Variants in SLC22A9 observed in about 807,000 individuals in gnomAD.
SLC22A9 encodes the protein organic anion transporter 7.
Under a neutral mutation model 50.1 loss-of-function variants are expected in SLC22A9, and 64 were observed. That is an observed-to-expected ratio of 1.28 (90% CI 1.04 to 1.57). The LOEUF (loss-of-function observed/expected upper bound fraction) is 1.57. SLC22A9 is among the 40% of genes most tolerant of loss of function. The pLI is 0.00. For synonymous variants in SLC22A9, 261 were observed against 242.5 expected (o/e 1.08, Z -0.71); for missense variants, 757 against 676.1 (o/e 1.12, Z -1.33).
At chr11:63,397,100 G>C (rs1336806017) in intron 6 of SLC22A9, among the ~76,000 whole-genome samples, 1 of 152,166 alleles carries the variant, frequency 6.6e-6, no homozygotes, top group Non-Finnish European at 1.5e-5. Flanking sequence ...GGACCCCAAG[G>C]CCAGTAATGC....
Position 63,408,225 on chromosome 11 carries a change from A to G in SLC22A9, c.1397+5A>G. ...AGTAATTCCCACCATAATCAGGTAC[A>G]GAACCTTAAGTATGCCCTGTCAGGT... On this transcript the variant is annotated splice_donor_5th_base_variant and intron_variant, in intron 8 of 9. Transcript: ENST00000279178. The G allele has an allele frequency of 6.2e-7, 1 of 1,610,030 alleles. No homozygotes were observed. Among genetic ancestry groups the G allele is most frequent in the Non-Finnish European group, 8.5e-7 (1 of 1,176,448 alleles).
At chr11:63,385,607 T>C (rs545513557) in intron 6 of SLC22A9, among the ~76,000 whole-genome samples, 1 of 152,212 alleles carries the variant, frequency 6.6e-6, no homozygotes, top group South Asian at 2.1e-4. Flanking sequence ...CTGTTGTTGG[T>C]GTATAGAAAT....
intron 6 of SLC22A9, among the ~76,000 whole-genome samples, chr11:63,397,064 C>T (rs1488218567): frequency 1.3e-5 from 2 of 152,174 alleles, no homozygotes; most frequent in Non-Finnish European, 2.9e-5. Context: ...TGTTTTTCAT[C>T]ACTGCAGACA....
Position 63,370,234 on chromosome 11 carries a change from T to C in SLC22A9, c.178T>C (p.Ser60Pro). 3.7e-6 allele frequency: 6 copies of C among 1,614,036 alleles called. No individual in the cohort carries two copies. The highest frequency in any genetic ancestry group is 5.1e-6 in the Non-Finnish European group (6 of 1,179,934). ...CCACATCCTGGACAATGACACTGTC[T>C]CTGACAATGACACTGGGGCCCTCAG... ...WVHILDNDTV[S>P]DNDTGALSQD... is the part of the protein sequence containing the mutation. Residue 60 changes from serine to proline, a missense_variant, in exon 1 of 10, where the codon TCT becomes CCT. Transcript: ENST00000279178.
In SLC22A9 at chr11:63,373,663, C is replaced by T. The variant is rs1487176621; in HGVS notation, c.526C>T (p.Leu176Phe). 11 of 1,579,442 alleles carry T rather than the reference C, an allele frequency of 7.0e-6. No homozygotes were observed. Among genetic ancestry groups the T allele is most frequent in the Non-Finnish European group, 9.4e-6 (11 of 1,167,060 alleles). ...TCTCAGGTTTGGGAGAAGGTTCGTG[C>T]TCAGATGGTGTTACCTCCAGGTTGC... Reference protein sequence around the residue: ...LSDRFGRRFVLRWCYLQVAIV... With the variant: ...LSDRFGRRFVFRWCYLQVAIV... Residue 176 changes from leucine to phenylalanine, a missense_variant, in exon 3 of 10, where the codon CTC becomes TTC. Coordinates refer to ENST00000279178, the MANE Select transcript of SLC22A9 (RefSeq NM_080866.3).
At chr11:63,401,783 T>C (rs774340659) in intron 6 of SLC22A9, among the ~76,000 whole-genome samples, 10 of 152,128 alleles carry the variant, frequency 6.6e-5, no homozygotes, top group Admixed American at 2.6e-4. Context: ...TTTTTGACTT[T>C]TTAATAACAG....
chr11:63,382,033 G>C lies in SLC22A9; in HGVS notation c.955-126G>C, dbSNP rs369105603. 3 of 653,676 alleles carry C rather than the reference G, an allele frequency of 4.6e-6. No homozygotes were observed. In the East Asian group the frequency reaches 7.8e-5, roughly 17 times the overall value. The allele number at this position is 653,676 out of a possible 1,614,324, so 40.5% of individuals were successfully genotyped here. A position where few individuals can be genotyped will look rare whatever the true frequency, so the allele number is the denominator to read the frequency against. ...TTTACACATATCATTGCATTTTAAGGCTTATATTTTCCACCAGACAGAAAG... is the reference window on the plus strand; with the variant it reads ...TTTACACATATCATTGCATTTTAAGCCTTATATTTTCCACCAGACAGAAAG... On this transcript the variant is annotated intron_variant, in intron 5 of 9. Coordinates refer to ENST00000279178, the MANE Select transcript of SLC22A9 (RefSeq NM_080866.3).
intron 7 of SLC22A9, 42 bp from the exon 8 acceptor site, chr11:63,408,070 C>T (rs1226625841): frequency 1.3e-6 from 2 of 1,521,302 alleles, no homozygotes; most frequent in Non-Finnish European, 1.8e-6. Context: ...CTGATTCCTT[C>T]AGCTCAGATT....
chr11:63,382,822 G>A (rs1302251219), intron 6 of SLC22A9, among the ~76,000 whole-genome samples: 1 of 152,176 alleles, frequency 6.6e-6, no homozygotes, highest in Non-Finnish European at 1.5e-5. Flanking sequence ...ATAGAGGTAA[G>A]ATGTTGTAAA....
Position 63,382,198 on chromosome 11 carries a change from C to CAA in SLC22A9, c.1004_1005dup (p.Pro336AsnfsTer67), listed in dbSNP as rs78765214. On this transcript the variant is annotated frameshift_variant, in exon 6 of 10. Coordinates refer to ENST00000279178, the MANE Select transcript of SLC22A9 (RefSeq NM_080866.3). LOFTEE classifies it high-confidence loss of function. The stretch of plus-strand genomic sequence containing the variant: ...CATGAAAAAAGAACTGGAGGCAGCA[C>CAA]AAAAAAAAAAACCTTCTCTGTGTGA... The CAA allele has an allele frequency of 6.6e-5, 82 of 1,236,704 alleles. No individual in the cohort carries two copies. Among genetic ancestry groups the CAA allele is most frequent in the Admixed American group, 3.5e-4 (16 of 46,322 alleles). The allele number at this position is 1,236,704 out of a possible 1,614,324, so 76.6% of individuals were successfully genotyped here.
chr11:63,370,218 G>A lies in SLC22A9; in HGVS notation c.162G>A (p.Leu54=). 2 of 1,614,026 alleles carry A rather than the reference G, an allele frequency of 1.2e-6. No individual in the cohort carries two copies. Among genetic ancestry groups the A allele is most frequent in the South Asian group, 2.2e-5 (2 of 91,070 alleles). The change falls in exon 1 of 10, where the codon CTG becomes CTA. Residue 54 remains leucine, a synonymous_variant. Coordinates refer to ENST00000279178, the MANE Select transcript of SLC22A9 (RefSeq NM_080866.3). ...GCCATCGCTGCTGGGTCCACATCCT[G>A]GACAATGACACTGTCTCTGACAATG... ...IPGHRCWVHI[L]DNDTVSDNDT... is the part of the protein sequence containing the mutation.
intron 5 of SLC22A9, 100 bp from the exon 6 acceptor site, chr11:63,382,059 T>C (rs1455532749): frequency 4.2e-6 from 3 of 716,068 alleles, no homozygotes; most frequent in Admixed American, 2.5e-5. Context: ...AGACAGAAAG[T>C]GCAGTCAACT....
Position 63,387,627 on chromosome 11 carries a change from C to A in SLC22A9, c.1073+5350C>A, listed in dbSNP as rs543061834. Among the ~76,000 whole-genome samples the A allele has an allele frequency of 2.0e-5, 3 of 148,636 alleles. No individual in the cohort carries two copies. The South Asian group carries it at 6.2e-4, about 31-fold the overall frequency. On this transcript the variant is annotated intron_variant, in intron 6 of 9. Transcript: ENST00000279178. ...TTCTTTTTACTCCAGATAGTTTCGA[C>A]TATTCTTGGTCTTTTTTGGTTCCAC...
At position 63,382,190 on chromosome 11, in the gene SLC22A9, A is replaced by G; in HGVS notation, c.986A>G (p.Glu329Gly). The G allele has an allele frequency of 6.2e-7, 1 of 1,607,232 alleles. No individual in the cohort carries two copies. The highest frequency in any genetic ancestry group is 8.5e-7 in the Non-Finnish European group (1 of 1,177,826). The part of the protein sequence containing the change: ...ILKSTMKKEL[E>G]AAQKKKPSLC... The stretch of plus-strand genomic sequence containing the variant: ...AAATCCACCATGAAAAAAGAACTGG[A>G]GGCAGCACAAAAAAAAAAACCTTCT... Residue 329 changes from glutamate (E) to glycine (G), a missense_variant, in exon 6 of 10, where the codon GAG (glutamate) becomes GGG (glycine). Physicochemically the swap from Glu to Gly is moderately conservative, Grantham distance 98. Transcript: ENST00000279178.
chr11:63,370,604 T>C, intron 1 of SLC22A9, 146 bp downstream of exon 1: 1 of 950,140 alleles, frequency 1.1e-6, no homozygotes, highest in Non-Finnish European at 1.5e-6. Flanking sequence ...TTATTAAATG[T>C]CTGACACCTA....
intron 6 of SLC22A9, among the ~76,000 whole-genome samples, chr11:63,395,633 ATTGACT>A (rs1257229811): frequency 1.7e-4 from 26 of 152,152 alleles, no homozygotes; most frequent in African/African-American, 5.8e-4. Context: ...AGTGGGTGAA[ATTGACT>A]CTATGCAGGT....
At chr11:63,394,559 C>A (rs1256755968) in intron 6 of SLC22A9, among the ~76,000 whole-genome samples, 1 of 152,054 alleles carries the variant, frequency 6.6e-6, no homozygotes, top group Non-Finnish European at 1.5e-5. Context: ...GACCCCAATC[C>A]CTTCTAGCTT....
At chr11:63,374,759 T>C (rs933316614) in intron 4 of SLC22A9, among the ~76,000 whole-genome samples, 5 of 152,136 alleles carry the variant, frequency 3.3e-5, no homozygotes, top group African/African-American at 1.2e-4. Context: ...ATGGAGAAGT[T>C]TGGGATTTTT....
chr11:63,397,656 C>T (rs1347342091), intron 6 of SLC22A9, among the ~76,000 whole-genome samples: 1 of 152,126 alleles, frequency 6.6e-6, no homozygotes, highest in Admixed American at 6.5e-5. Flanking sequence ...CTCATGGCCA[C>T]CACCACCCCA....
Sources: gnomAD v4.1 joint callset for allele counts (sites outside exome capture counted in the v4.1 genomes callset) on GRCh38, gnomAD v4.1.1 for gene constraint, MANE v1.5 for transcripts, NCBI Gene and HGNC (gene_info 2026-07-23, HGNC 2026-07-21) for gene names.